The following DNAH3 variants were observed in gnomAD, a reference collection of about 807,000 sequenced individuals.
The protein encoded by DNAH3 is dynein axonemal heavy chain 3, also known as axonemal beta dynein heavy chain 3.
In DNAH3, 332 loss-of-function variants were observed where a neutral mutation model predicts 432.5. The observed-to-expected ratio is 0.77, with a 90% CI of 0.70 to 0.84. The LOEUF (loss-of-function observed/expected upper bound fraction) is 0.84, where lower values mean the gene tolerates loss of function less well. DNAH3 is among the 40% of genes least tolerant of loss of function. The pLI is 0.00. For synonymous variants in DNAH3, 1,956 were observed against 1,900.2 expected, an observed-to-expected ratio of 1.03 and a Z score of -0.76; for missense variants, 4,861 against 5,114.0, an observed-to-expected ratio of 0.95 and a Z score of 1.51.
At chr16:20,965,636 T>C (rs1292019021) in intron 52 of DNAH3, among the ~76,000 whole-genome samples, 1 of 152,192 alleles carries the variant, frequency 6.6e-6, no homozygotes, top group African/African-American at 2.4e-5. Flanking sequence ...CCCAAGTGCT[T>C]CTTACCATGA....
intron 57 of DNAH3, among the ~76,000 whole-genome samples, chr16:20,946,376 C>T (rs1308946885): frequency 3.3e-5 from 5 of 152,154 alleles, no homozygotes; most frequent in Admixed American, 3.3e-4. Context: ...CTGGACTGAA[C>T]CAATGGATAT....
chr16:21,158,933 G>A (rs1378011247), intron 1 of DNAH3, among the ~76,000 whole-genome samples: 2 of 151,966 alleles, frequency 1.3e-5, no homozygotes, highest in Admixed American at 6.6e-5. Flanking sequence ...GCCGGGACGG[G>A]GCTGGGAGCG....
chr16:21,154,327 C>T (rs903270101), intron 1 of DNAH3, among the ~76,000 whole-genome samples: 2 of 151,970 alleles, frequency 1.3e-5, no homozygotes, highest in African/African-American at 4.8e-5. Flanking sequence ...ATTGCATGAA[C>T]ACAGGAGGTG....
chr16:21,145,545 T>C lies in DNAH3; in HGVS notation c.223-139A>G, dbSNP rs73533620. 783 of 715,054 alleles carry C rather than the reference T, an allele frequency of 1.1e-3. 3 individuals are homozygous for C. The highest frequency in any genetic ancestry group is 0.011 in the African/African-American group (621 of 57,218). The allele number at this position is 715,054 out of a possible 1,614,324, so 44.3% of individuals were successfully genotyped here. The stretch of plus-strand genomic sequence containing the variant: ...CCTTCTGCACATTCAGTGGAAAGAT[T>C]GTCTGAACAGACACCAACTGTACTT... On this transcript the variant is annotated intron_variant, in intron 2 of 61. Transcript: ENST00000261383.
chr16:21,136,307 A>C lies in DNAH3; in HGVS notation c.886+17T>G. 4 of 1,612,338 alleles carry C rather than the reference A, an allele frequency of 2.5e-6. No individual in the cohort carries two copies. The highest frequency in any genetic ancestry group is 2.5e-6 in the Non-Finnish European group (3 of 1,178,486). Reference sequence around the variant, plus strand: ...ACATAGAAGCTCCCCAGCCCCCTTTATGCCCACCAGCCTTACCGATGCTTT... The same window carrying C: ...ACATAGAAGCTCCCCAGCCCCCTTTCTGCCCACCAGCCTTACCGATGCTTT... On this transcript the variant is annotated intron_variant, in intron 6 of 61. Coordinates refer to ENST00000261383, the Ensembl canonical transcript of DNAH3.
intron 8 of DNAH3, among the ~76,000 whole-genome samples, chr16:21,125,998 A>G (rs1446830434): frequency 2.0e-5 from 3 of 152,120 alleles, no homozygotes; most frequent in Non-Finnish European, 2.9e-5. Flanking sequence ...ACAAACAAAC[A>G]AACAAAAATT....
At chr16:21,066,087 A>T (rs1286151679) in intron 24 of DNAH3, among the ~76,000 whole-genome samples, 1 of 151,938 alleles carries the variant, frequency 6.6e-6, no homozygotes, top group Non-Finnish European at 1.5e-5. Context: ...CGGCCTCCCA[A>T]AGTGCTGGGA....
At chr16:21,130,273 A>G (rs1485664695) in intron 7 of DNAH3, among the ~76,000 whole-genome samples, 1 of 150,884 alleles carries the variant, frequency 6.6e-6, no homozygotes, top group East Asian at 2.0e-4. Flanking sequence ...AAGAGCGGAA[A>G]CTAATAAAAA....
chr16:21,151,652 G>GCTGGGAT (rs1364618891), intron 1 of DNAH3, among the ~76,000 whole-genome samples: 2 of 152,086 alleles, frequency 1.3e-5, no homozygotes, highest in East Asian at 3.9e-4. Flanking sequence ...TCAGTCCTGG[G>GCTGGGAT]CAAACTGGGA....
chr16:21,011,523 A>C (rs1047893367), intron 41 of DNAH3, among the ~76,000 whole-genome samples: 1 of 151,950 alleles, frequency 6.6e-6, no homozygotes, highest in African/African-American at 2.4e-5. Flanking sequence ...TGGCTGGCTA[A>C]TTTTTCTTTG....
chr16:21,136,246 T>G, intron 6 of DNAH3, 78 bp downstream of exon 7: 1 of 1,386,562 alleles, frequency 7.2e-7, no homozygotes, highest in Non-Finnish European at 1.0e-6. Flanking sequence ...AGACCTTGTC[T>G]CTACAAAAAT....
intron 27 of DNAH3, among the ~76,000 whole-genome samples, chr16:21,055,938 G>A (rs1228425152): frequency 6.6e-6 from 1 of 151,928 alleles, no homozygotes; most frequent in Admixed American, 6.6e-5. Context: ...GGGTCTCACT[G>A]TGTTGCCCAG....
Position 21,098,688 on chromosome 16 carries a change from T to TTCTGTAGTCA in DNAH3, c.2438_2447dup (p.Glu816AspfsTer11), listed in dbSNP as rs1417659046. ...GCTTTTCAACATTGTGCTTCATTTC[T>TTCTGTAGTCA]TCTGTAGTCATCACTTCGCGCTTCC... On this transcript the variant is annotated frameshift_variant, in exon 17 of 62. Coordinates refer to ENST00000261383, the Ensembl canonical transcript of DNAH3. LOFTEE classifies it high-confidence loss of function. 1 of 1,613,956 alleles carries TTCTGTAGTCA rather than the reference T, an allele frequency of 6.2e-7. No individual in the cohort carries two copies. Among genetic ancestry groups the TTCTGTAGTCA allele is most frequent in the Non-Finnish European group, 8.5e-7 (1 of 1,180,002 alleles).
At chr16:20,955,120 C>G in intron 54 of DNAH3, 63 bp from the exon 55 acceptor site, 1 of 1,475,574 alleles carries the variant, frequency 6.8e-7, no homozygotes, top group Non-Finnish European at 9.0e-7. Context: ...AAAGCAACAA[C>G]AAAAACAAAA....
At chr16:21,020,810 C>T (rs1048932244) in intron 40 of DNAH3, among the ~76,000 whole-genome samples, 2 of 152,056 alleles carry the variant, frequency 1.3e-5, no homozygotes, top group Non-Finnish European at 2.9e-5. Flanking sequence ...TATTGCTGTG[C>T]GACCATCACC....
intron 54 of DNAH3, among the ~76,000 whole-genome samples, chr16:20,958,052 G>T (rs2084654003): frequency 6.6e-6 from 1 of 151,028 alleles, no homozygotes. Context: ...CAGGACAAAT[G>T]ATACCTGGAA....
At chr16:20,984,988 C>T (rs1477666231) in intron 48 of DNAH3, 61 bp downstream of exon 48, 10 of 1,389,302 alleles carry the variant, frequency 7.2e-6, no homozygotes, top group South Asian at 4.1e-5. Flanking sequence ...CTGCTCAGGG[C>T]ACTCAGAAGA....
chr16:21,108,883 A>G (rs1295953599), intron 14 of DNAH3, among the ~76,000 whole-genome samples: 1 of 152,150 alleles, frequency 6.6e-6, no homozygotes, highest in African/African-American at 2.4e-5. Context: ...GCACTTTGGG[A>G]GGCCAAGGCA....
At chr16:20,964,613 A>G (rs2152623867) in exon 53 of DNAH3, 4 of 1,614,060 alleles carry the variant, frequency 2.5e-6, no homozygotes, top group African/African-American at 2.7e-5. Flanking sequence ...TTCTTAATCC[A>G]TTTATTGGCC....
Sources: gnomAD v4.1 joint callset for allele counts (sites outside exome capture counted in the v4.1 genomes callset) on GRCh38, gnomAD v4.1.1 for gene constraint, MANE v1.5 for transcripts, NCBI Gene and HGNC (gene_info 2026-07-23, HGNC 2026-07-21) for gene names.